Variants in PCDHGB2 observed in about 807,000 individuals in gnomAD.
PCDHGB2 encodes the protein protocadherin gamma-B2.
A neutral mutation model predicts 59.3 loss-of-function variants in PCDHGB2; 55 were observed. The ratio of observed to expected loss-of-function variants is 0.93; its 90% CI spans 0.75 to 1.16. PCDHGB2 has a LOEUF of 1.16. PCDHGB2 is among the 50% of genes most tolerant of loss of function. The pLI is 0.00. For missense variants in PCDHGB2, 1,228 were observed against 1,198.5 expected, an observed-to-expected ratio of 1.02 and a Z score of -0.36; for synonymous variants, 516 against 512.0, an observed-to-expected ratio of 1.01 and a Z score of -0.11.
At chr5:141,450,551 G>T (rs2098684306) in intron 1 of PCDHGB2, among the ~76,000 whole-genome samples, 1 of 150,822 alleles carries the variant, frequency 6.6e-6, no homozygotes, top group Admixed American at 6.6e-5. Flanking sequence ...CAGTGGCGCA[G>T]TCTCGGCTCA....
chr5:141,364,627 C>A, intron 1 of PCDHGB2: 2 of 1,614,112 alleles, frequency 1.2e-6, no homozygotes, highest in South Asian at 1.1e-5. Context: ...GCGCTCAGAG[C>A]CCACTGTGTG....
At chr5:141,414,926 G>T (rs2095802657) in intron 1 of PCDHGB2, 3 of 1,614,114 alleles carry the variant, frequency 1.9e-6, no homozygotes, top group Admixed American at 1.7e-5. Flanking sequence ...CTGGCGCCCC[G>T]CTCCGCAGAG....
At position 141,361,703 on chromosome 5, in the gene PCDHGB2, A is replaced by G; in HGVS notation, c.1568A>G (p.Glu523Gly). The G allele has an allele frequency of 6.2e-7, 1 of 1,613,388 alleles. No homozygotes were observed. Among genetic ancestry groups the G allele is most frequent in the East Asian group, 2.2e-5 (1 of 44,862 alleles). The change falls in exon 1 of 4, where the codon GAG becomes GGG. Residue 523 changes from glutamate to glycine, a missense_variant. Glu to Gly is a moderately conservative substitution (Grantham distance 98). Coordinates refer to ENST00000522605, the MANE Select transcript of PCDHGB2 (RefSeq NM_018923.3). ...TTCGCGCAGCGCGCCTTCGATCATGAGCAGCTGCGCGCCTTCGAGCTCACA... is the reference window on the plus strand; with the variant it reads ...TTCGCGCAGCGCGCCTTCGATCATGGGCAGCTGCGCGCCTTCGAGCTCACA... The part of the protein sequence containing the change: ...VVFAQRAFDH[E>G]QLRAFELTLQ...
intron 1 of PCDHGB2, chr5:141,371,810 G>A (rs374995933): frequency 5.6e-6 from 9 of 1,613,756 alleles, no homozygotes; most frequent in Middle Eastern, 1.6e-4. Context: ...CCTCCATTGC[G>A]CATGTCAGAG....
chr5:141,460,995 A>ATG lies in PCDHGB2; in HGVS notation c.2422-33808_2422-33807dup, dbSNP rs1561986931. Among the ~76,000 whole-genome samples the ATG allele has an allele frequency of 5.3e-5, 8 of 150,188 alleles. No homozygotes were observed. The East Asian group carries it at 1.4e-3, about 26-fold the overall frequency. On this transcript the variant is annotated intron_variant, in intron 1 of 3. Transcript: ENST00000522605. ...TGTGTGTGTGTGTGTATATATATAT[A>ATG]TGTGTATATATATATACCACATTTT...
chr5:141,382,167 G>A (rs1003056701), intron 1 of PCDHGB2, among the ~76,000 whole-genome samples: 7 of 152,038 alleles, frequency 4.6e-5, no homozygotes, highest in African/African-American at 1.7e-4. Context: ...GAAGGTGTTA[G>A]ACCGTCTCTA....
intron 1 of PCDHGB2, chr5:141,422,581 G>A (rs1223117895): frequency 3.7e-6 from 6 of 1,613,984 alleles, no homozygotes; most frequent in Non-Finnish European, 4.2e-6. Flanking sequence ...TAACCCTCCC[G>A]TTTTTCCTCA....
chr5:141,418,439 T>C (rs1284999606), intron 1 of PCDHGB2: 1 of 1,613,812 alleles, frequency 6.2e-7, no homozygotes, highest in Non-Finnish European at 8.5e-7. Flanking sequence ...ATATCCAGAA[T>C]TAGTATTGCA....
chr5:141,427,568 T>A (rs1260622772), intron 1 of PCDHGB2: 1 of 660,576 alleles, frequency 1.5e-6, no homozygotes, highest in Admixed American at 2.1e-5. Flanking sequence ...AGGGCAAGCC[T>A]CCGCTCTCAT....
At position 141,421,975 on chromosome 5, in the gene PCDHGB2, G is replaced by A. The variant is rs1287891140; in HGVS notation, c.2421+59419G>A. 3.1e-6 allele frequency: 5 copies of A among 1,610,050 alleles called. No individual in the cohort carries two copies. The South Asian group carries it at 3.3e-5, about 11-fold the overall frequency. On this transcript the variant is annotated intron_variant, in intron 1 of 3. Coordinates refer to ENST00000522605, the MANE Select transcript of PCDHGB2 (RefSeq NM_018923.3). ...AATGTTTACACAGTCCGTATATCGC[G>A]TGAGTGTTCCAGAAAACATCAGCTC...
Position 141,491,858 on chromosome 5 carries a change from A to G in PCDHGB2, c.2422-2949A>G, listed in dbSNP as rs17208425. 297,575 of 1,456,446 alleles carry G rather than the reference A, an allele frequency of 0.2. 31,644 individuals are homozygous for G. The highest frequency in any genetic ancestry group is 0.33 in the Admixed American group (11,758 of 35,494). 90.2% of individuals were successfully genotyped at this position (1,456,446 alleles called of 1,614,324 possible). On this transcript the variant is annotated intron_variant, in intron 1 of 3. Transcript: ENST00000522605. This position sits in a 1 kb window ranked among gnomAD's most constrained non-coding sequence, Gnocchi z 6.9. ...TCGGGATCATTGGACCGTTTGCGCG[A>G]AACCAGAGTGGCCGATTAAGGGATG... is the stretch of plus-strand genomic sequence containing the variant.
chr5:141,365,586 A>G lies in PCDHGB2; in HGVS notation c.2421+3030A>G, dbSNP rs757726887. 5 of 1,613,564 alleles carry G rather than the reference A, an allele frequency of 3.1e-6. No individual in the cohort carries two copies. In the Admixed American group the frequency reaches 6.7e-5, roughly 22 times the overall value. On this transcript the variant is annotated intron_variant, in intron 1 of 3. Transcript: ENST00000522605. ...GACAGAGAAGAGACTTCAGATTATA[A>G]TATCACTTTAACCGTCATGGACCAT... is the stretch of plus-strand genomic sequence containing the variant.
intron 1 of PCDHGB2, chr5:141,421,995 C>G (rs750731453): frequency 6.2e-7 from 1 of 1,608,844 alleles, no homozygotes; most frequent in South Asian, 1.1e-5. Context: ...CAGAAAACAT[C>G]AGCTCCGGAA....
chr5:141,480,599 C>A (rs1202373543), intron 1 of PCDHGB2, among the ~76,000 whole-genome samples: 1 of 141,438 alleles, frequency 7.1e-6, no homozygotes, highest in East Asian at 1.9e-4. Flanking sequence ...TCTGGTCAGC[C>A]TGGAAAGCAA....
At chr5:141,482,530 CAAA>C (rs3074545) in intron 1 of PCDHGB2, among the ~76,000 whole-genome samples, 29 of 76,552 alleles carry the variant, frequency 3.8e-4, no homozygotes, top group African/African-American at 9.1e-4. Context: ...GACAGACATG[CAAA>C]AAAAAAAAAA....
At chr5:141,375,929 CT>C (rs1378296851) in intron 1 of PCDHGB2, 3 of 1,613,620 alleles carry the variant, frequency 1.9e-6, no homozygotes, top group Non-Finnish European at 1.7e-6. Context: ...CGAGCCAGGA[CT>C]TTTCTCAGTG....
chr5:141,393,504 A>T, intron 1 of PCDHGB2: 1 of 1,614,036 alleles, frequency 6.2e-7, no homozygotes. Flanking sequence ...CATCCACGTG[A>T]CAGTGTTGGA....
At position 141,487,610 on chromosome 5, in the gene PCDHGB2, C is replaced by A; in HGVS notation, c.2422-7197C>A. On this transcript the variant is annotated intron_variant, in intron 1 of 3. Transcript: ENST00000522605. The surrounding 1 kb of genome is among the most constrained non-coding windows in gnomAD (Gnocchi z 5.0). ...CCCACCCTCTGATCTTCTCTATGGG[C>A]TAGAGGTGAGACCTTTGCAGGCTCA... The A allele has an allele frequency of 6.2e-7, 1 of 1,614,190 alleles. No homozygotes were observed. The highest frequency in any genetic ancestry group is 1.1e-5 in the South Asian group (1 of 91,078).
rs956263164 is a variant in PCDHGB2 at position 141,511,304 on chromosome 5, C to G, written c.*131C>G. The G allele has an allele frequency of 3.3e-5, 49 of 1,490,320 alleles. No homozygotes were observed. The highest frequency in any genetic ancestry group is 4.2e-5 in the African/African-American group (3 of 71,286). The allele number at this position is 1,490,320 out of a possible 1,614,324, so 92.3% of individuals were successfully genotyped here. ...TGGTAGGGGCCAAGGCCATGCTCCC[C>G]TTGGGAAACAGAAACAAGTGCCCAG... On this transcript the variant is annotated 3_prime_UTR_variant, in exon 4 of 4. Coordinates refer to ENST00000522605, the MANE Select transcript of PCDHGB2 (RefSeq NM_018923.3).
Sources: allele counts gnomAD v4.1 joint callset (sites outside exome capture counted in the v4.1 genomes callset), GRCh38; gene constraint gnomAD v4.1.1; non-coding constraint Gnocchi (gnomAD v3.1); transcripts MANE v1.5; gene names NCBI Gene and HGNC (gene_info 2026-07-23, HGNC 2026-07-21).